Variants in LINGO2 observed in about 807,000 individuals in gnomAD.
The protein encoded by LINGO2 is leucine-rich repeat and immunoglobulin-like domain-containing nogo receptor-interacting protein 2.
LINGO2 carries 14 observed loss-of-function variants against 30.6 expected under a neutral mutation model. That is an observed-to-expected ratio of 0.46 (90% CI 0.30 to 0.72). The LOEUF is 0.72. Ranked by LOEUF, LINGO2 falls within the 30% of genes least tolerant of loss-of-function variation. LINGO2 has a pLI of 0.07. For synonymous variants in LINGO2, 317 were observed against 288.5 expected (o/e 1.10, Z -1.00); for missense variants, 729 against 751.7 (o/e 0.97, Z 0.35).
intron 5 of LINGO2, among the ~76,000 whole-genome samples, chr9:28,007,848 A>G (rs1822343672): frequency 6.6e-6 from 1 of 152,154 alleles, no homozygotes; most frequent in African/African-American, 2.4e-5. Flanking sequence ...AAGATTATGG[A>G]CTACATTTTT....
chr9:28,750,052 A>G, the LINGO2 span, among the ~76,000 whole-genome samples: 1 of 152,066 alleles, frequency 6.6e-6, no homozygotes, highest in African/African-American at 2.4e-5. Context: ...AACCAAATTT[A>G]GGAGGTACAT....
chr9:29,130,210 C>G, the LINGO2 span, among the ~76,000 whole-genome samples: 2 of 152,200 alleles, frequency 1.3e-5, no homozygotes, highest in Admixed American at 1.3e-4. Flanking sequence ...TTTGCTAGTA[C>G]TAATAGACAC....
the LINGO2 span, among the ~76,000 whole-genome samples, chr9:28,805,464 T>C: frequency 6.6e-6 from 1 of 152,166 alleles, no homozygotes; most frequent in African/African-American, 2.4e-5. Flanking sequence ...TCTAATTCCA[T>C]GAATGTAACA....
the LINGO2 span, among the ~76,000 whole-genome samples, chr9:28,999,714 T>A: frequency 1.4e-4 from 21 of 152,090 alleles, no homozygotes; most frequent in African/African-American, 4.8e-4. Context: ...GTGTCCATGG[T>A]TAGGAAAAAA....
chr9:28,531,912 G>C (rs1821250085), intron 1 of LINGO2, among the ~76,000 whole-genome samples: 1 of 152,040 alleles, frequency 6.6e-6, no homozygotes. Context: ...AAAATATTAT[G>C]GGCTAACAGC....
chr9:28,046,161 C>G (rs1208988690), intron 4 of LINGO2, among the ~76,000 whole-genome samples: 1 of 152,144 alleles, frequency 6.6e-6, no homozygotes, highest in South Asian at 2.1e-4. Context: ...AAATGAGATC[C>G]TTTTGCTATT....
the LINGO2 span, among the ~76,000 whole-genome samples, chr9:28,875,248 A>G: frequency 6.6e-6 from 1 of 152,184 alleles, no homozygotes; most frequent in South Asian, 2.1e-4. Context: ...TGTATACAAC[A>G]CTAATATTTT....
intron 4 of LINGO2, among the ~76,000 whole-genome samples, chr9:28,211,986 C>T (rs1820609529): frequency 6.6e-6 from 1 of 151,132 alleles, no homozygotes; most frequent in African/African-American, 2.4e-5. Context: ...TTGCACCAAC[C>T]TAATAGTTTA....
the LINGO2 span, among the ~76,000 whole-genome samples, chr9:29,032,399 T>A: frequency 6.6e-6 from 1 of 152,172 alleles, no homozygotes; most frequent in Non-Finnish European, 1.5e-5. Context: ...CTCAGCAATC[T>A]TTTTGGAAAT....
chr9:28,687,849 G>A, the LINGO2 span, among the ~76,000 whole-genome samples: 3 of 151,776 alleles, frequency 2.0e-5, no homozygotes, highest in Non-Finnish European at 2.9e-5. Context: ...CCTGAAACAC[G>A]GCTATACAGT....
intron 4 of LINGO2, among the ~76,000 whole-genome samples, chr9:28,109,595 C>A (rs556871387): frequency 6.6e-6 from 1 of 152,184 alleles, no homozygotes; most frequent in East Asian, 1.9e-4. Context: ...TTCCTATACA[C>A]CAACAATGGA....
At chr9:28,796,830 A>G in the LINGO2 span, among the ~76,000 whole-genome samples, 1 of 151,774 alleles carries the variant, frequency 6.6e-6, no homozygotes, top group Admixed American at 6.6e-5. Context: ...ATAATGTTAA[A>G]GTAATATCCT....
At chr9:28,955,876 C>G in the LINGO2 span, among the ~76,000 whole-genome samples, 1 of 152,026 alleles carries the variant, frequency 6.6e-6, no homozygotes, top group African/African-American at 2.4e-5. Flanking sequence ...CTCCTGGCCA[C>G]AAGCAATCCT....
Position 28,149,091 on chromosome 9 carries a change from C to A in LINGO2, c.-86-136686G>T, listed in dbSNP as rs1348509108. The stretch of plus-strand genomic sequence containing the variant: ...GAGGCACTGTTGGTGGGTCAGGCTT[C>A]CCAAAGAGAAGGACGCCTCCAGCAG... On this transcript the variant is annotated intron_variant, in intron 4 of 5. Transcript: ENST00000379992. 13 of 1,533,964 alleles carry A rather than the reference C, an allele frequency of 8.5e-6. No homozygotes were observed. The Admixed American group carries it at 2.2e-4, about 25-fold the overall frequency.
chr9:29,189,812 C>A, the LINGO2 span, among the ~76,000 whole-genome samples: 1 of 152,052 alleles, frequency 6.6e-6, no homozygotes, highest in South Asian at 2.1e-4. Flanking sequence ...GAGCTGGAGA[C>A]CAGCCCGGCC....
At chr9:28,967,383 C>T in the LINGO2 span, among the ~76,000 whole-genome samples, 1 of 152,068 alleles carries the variant, frequency 6.6e-6, no homozygotes, top group Non-Finnish European at 1.5e-5. Flanking sequence ...TACCACTAGG[C>T]CAAGAACCAG....
chr9:28,463,439 C>T (rs1364455878), intron 2 of LINGO2, among the ~76,000 whole-genome samples: 3 of 151,896 alleles, frequency 2.0e-5, no homozygotes, highest in Non-Finnish European at 4.4e-5. Flanking sequence ...AAAGTGTTCA[C>T]CTGTCTTCCA....
At chr9:28,385,202 A>C (rs755872956) in intron 2 of LINGO2, among the ~76,000 whole-genome samples, 3 of 152,152 alleles carry the variant, frequency 2.0e-5, no homozygotes, top group Non-Finnish European at 2.9e-5. Flanking sequence ...CCTTCCTTTC[A>C]TTCTTTTAAA....
chr9:28,423,537 G>C (rs1310944835), intron 2 of LINGO2, among the ~76,000 whole-genome samples: 1 of 152,090 alleles, frequency 6.6e-6, no homozygotes, highest in Non-Finnish European at 1.5e-5. Context: ...GATGCTACCT[G>C]TCACTAAATT....
Sources: gnomAD v4.1 joint callset for allele counts (sites outside exome capture counted in the v4.1 genomes callset) on GRCh38, gnomAD v4.1.1 for gene constraint, MANE v1.5 for transcripts, NCBI Gene and HGNC (gene_info 2026-07-23, HGNC 2026-07-21) for gene names.